Variants in CDC25A observed in about 807,000 individuals in gnomAD.
CDC25A encodes the protein cell division cycle 25A.
In CDC25A, 17 loss-of-function variants were observed where a neutral mutation model predicts 64.6. The ratio of observed to expected loss-of-function variants is 0.26; its 90% CI spans 0.18 to 0.39. CDC25A has a LOEUF of 0.39. Among genes scored for constraint, CDC25A ranks in the 10% least tolerant of loss-of-function variants. CDC25A has a pLI of 1.00. For synonymous variants in CDC25A, 229 were observed against 238.6 expected, an observed-to-expected ratio of 0.96 and a Z score of 0.37; for missense variants, 473 against 654.8, an observed-to-expected ratio of 0.72 and a Z score of 3.03.
chr3:48,181,048 T>C (rs2032649781), intron 5 of CDC25A, among the ~76,000 whole-genome samples: 1 of 152,238 alleles, frequency 6.6e-6, no homozygotes. Flanking sequence ...CTTGTCATAC[T>C]GTATTTCCTA....
intron 8 of CDC25A, 172 bp from the exon 9 acceptor site, chr3:48,174,629 T>G: frequency 1.7e-6 from 1 of 598,796 alleles, no homozygotes; most frequent in Non-Finnish European, 2.9e-6. Context: ...TGGCACATAG[T>G]AGGCACTGAG....
intron 5 of CDC25A, chr3:48,181,867 C>T: frequency 1.9e-6 from 1 of 536,830 alleles, no homozygotes; most frequent in South Asian, 2.4e-5. Flanking sequence ...ACTTTCTGTG[C>T]ATTAACTTTT....
chr3:48,166,299 A>G (rs957625152), intron 10 of CDC25A, among the ~76,000 whole-genome samples: 4 of 152,112 alleles, frequency 2.6e-5, no homozygotes, highest in Admixed American at 2.6e-4. Context: ...CAAACAAACA[A>G]ACAAGCAAAC....
At chr3:48,183,082 G>A in intron 4 of CDC25A, 52 bp from the exon 5 acceptor site, 1 of 1,327,334 alleles carries the variant, frequency 7.5e-7, no homozygotes. Context: ...AAATTTCAGT[G>A]GAAAATTCAG....
At position 48,159,356 on chromosome 3, in the gene CDC25A, A is replaced by G. The variant is rs1445419511; in HGVS notation, c.1422T>C (p.Phe474=). Residue 474 remains phenylalanine (F), a synonymous_variant, in exon 14 of 15, where the codon TTT becomes TTC. Coordinates refer to ENST00000302506, the MANE Select transcript of CDC25A (RefSeq NM_001789.3). ...YVLKGGYKEF[F]MKCQSYCEPP... is the part of the protein sequence containing the mutation. ...ACCCCAGTCTTACCTGGCATTTCAT[A>G]AAGAACTCCTTGTATCCCCCCTTCA... The G allele has an allele frequency of 5.0e-6, 8 of 1,611,912 alleles. No homozygotes were observed. In the South Asian group the frequency reaches 5.5e-5, roughly 11 times the overall value.
At position 48,157,585 on chromosome 3, in the gene CDC25A, G is replaced by A. The variant is rs1316076936; in HGVS notation, c.*1360C>T. 1 of 152,666 alleles carries A rather than the reference G, an allele frequency of 6.6e-6. No homozygotes were observed. The highest frequency in any genetic ancestry group is 2.4e-5 in the African/African-American group (1 of 41,440). 9.5% of individuals were successfully genotyped at this position (152,666 alleles called of 1,614,324 possible). On this transcript the variant is annotated 3_prime_UTR_variant, in exon 15 of 15. Coordinates refer to ENST00000302506, the MANE Select transcript of CDC25A (RefSeq NM_001789.3). ...GCAGGGATGAGTAGGCACTGAAACA[G>A]GTCTCTCTAGAATCAATGAAGTCTG...
In CDC25A at chr3:48,159,043, C is replaced by T; in HGVS notation, c.1477G>A (p.Asp493Asn). Reference sequence around the variant, plus strand: ...AACTTCTTCAGGTCTTCTTTAAAGTCCTCGTGGTGCATGGGCCGGTAGCTA... The same window carrying T: ...AACTTCTTCAGGTCTTCTTTAAAGTTCTCGTGGTGCATGGGCCGGTAGCTA... ...PPSYRPMHHE[D>N]FKEDLKKFRT... The change falls in exon 15 of 15, where the codon GAC (aspartate) becomes AAC (asparagine). Residue 493 changes from aspartate (D) to asparagine (N), a missense_variant. Coordinates refer to ENST00000302506, the MANE Select transcript of CDC25A (RefSeq NM_001789.3). 6.2e-7 allele frequency: 1 copy of T among 1,614,088 alleles called. No individual in the cohort carries two copies. Among genetic ancestry groups the T allele is most frequent in the Non-Finnish European group, 8.5e-7 (1 of 1,180,022 alleles).
intron 5 of CDC25A, among the ~76,000 whole-genome samples, 166 bp from the exon 6 acceptor site, chr3:48,181,006 T>A (rs1027226794): frequency 6.6e-6 from 1 of 152,214 alleles, no homozygotes; most frequent in African/African-American, 2.4e-5. Context: ...CAAGGCTCTG[T>A]CAACAGCTAA....
In CDC25A at chr3:48,158,724, A is replaced by G; in HGVS notation, c.*221T>C. ...AGAACTGCATTGTGGCACAGTTCTG[A>G]TATGGACGGAGGACGTCTAACAGGG... On this transcript the variant is annotated 3_prime_UTR_variant, in exon 15 of 15. Coordinates refer to ENST00000302506, the MANE Select transcript of CDC25A (RefSeq NM_001789.3). The G allele has an allele frequency of 1.1e-5, 6 of 547,988 alleles. 1 individual carries two copies. The highest frequency in any genetic ancestry group is 9.3e-5 in the East Asian group (3 of 32,372). The allele number at this position is 547,988 out of a possible 1,614,324, so 33.9% of individuals were successfully genotyped here. A position where few individuals can be genotyped will look rare whatever the true frequency, so the allele number is the denominator to read the frequency against.
At chr3:48,168,277 A>G (rs1225170249) in intron 9 of CDC25A, among the ~76,000 whole-genome samples, 1 of 150,254 alleles carries the variant, frequency 6.7e-6, no homozygotes, top group Non-Finnish European at 1.5e-5. Context: ...ACTTGAGCCC[A>G]GGAGTTCCAG....
At chr3:48,169,594 G>A (rs1487786915) in intron 9 of CDC25A, among the ~76,000 whole-genome samples, 1 of 152,196 alleles carries the variant, frequency 6.6e-6, no homozygotes, top group Non-Finnish European at 1.5e-5. Flanking sequence ...GAGACCTATT[G>A]ACCAACTACA....
intron 9 of CDC25A, among the ~76,000 whole-genome samples, chr3:48,173,368 T>C (rs1299706269): frequency 6.6e-6 from 1 of 152,148 alleles, no homozygotes; most frequent in Non-Finnish European, 1.5e-5. Context: ...GGGAAATTCA[T>C]AGATTCAAAT....
At position 48,160,388 on chromosome 3, in the gene CDC25A, A is replaced by T. The variant is rs193265944; in HGVS notation, c.1323-933T>A. Among the ~76,000 whole-genome samples the T allele has an allele frequency of 1.2e-3, 178 of 143,606 alleles. 1 individual carries two copies. The highest frequency in any genetic ancestry group is 2.3e-3 in the Non-Finnish European group (154 of 66,662). The allele number at this position is 143,606 out of a possible 152,430, so 94.2% of individuals were successfully genotyped here. A position where few individuals can be genotyped will look rare whatever the true frequency, so the allele number is the denominator to read the frequency against. On this transcript the variant is annotated intron_variant, in intron 13 of 14. Transcript: ENST00000302506. ...CCTCCCAAAGTGTTGGGATTACAGG[A>T]GTTAGCCACCGCACCCAGTCACCTT...
At chr3:48,159,558 A>G in intron 13 of CDC25A, 103 bp from the exon 14 acceptor site, 1 of 725,232 alleles carries the variant, frequency 1.4e-6, no homozygotes, top group Non-Finnish European at 2.4e-6. Context: ...CCTTATACAC[A>G]TCTTCCCAAC....
At position 48,187,918 on chromosome 3, in the gene CDC25A, G is replaced by A. The variant is rs1420351472; in HGVS notation, c.30C>T (p.Arg10=). 2.0e-6 allele frequency: 3 copies of A among 1,534,012 alleles called. No homozygotes were observed. In the Admixed American group the frequency reaches 5.9e-5, roughly 30 times the overall value. The part of the protein sequence containing the change: MELGPEPPH[R]RRLLFACSPP... ...GGCTGCAGGCGAAGAGCAGGCGGCG[G>A]CGGTGCGGGGGCTCCGGGCCCAGTT... The change falls in exon 1 of 15, where the codon CGC becomes CGT. Residue 10 remains arginine, a synonymous_variant. Transcript: ENST00000302506.
chr3:48,159,265 G>T, intron 14 of CDC25A, 79 bp downstream of exon 14: 1 of 1,313,870 alleles, frequency 7.6e-7, no homozygotes, highest in Non-Finnish European at 1.1e-6. Flanking sequence ...TGGAAAGAAA[G>T]TCATGACCAC....
At chr3:48,165,797 C>T (rs781037324) in intron 11 of CDC25A, 34 bp downstream of exon 11, 15 of 1,587,654 alleles carry the variant, frequency 9.4e-6, no homozygotes, top group Admixed American at 5.0e-5. Flanking sequence ...TTCAAGTACC[C>T]GATGTGTGGT....
At chr3:48,174,244 A>T (rs1229188990) in intron 9 of CDC25A, 40 bp downstream of exon 9, 1 of 1,534,708 alleles carries the variant, frequency 6.5e-7, no homozygotes, top group African/African-American at 1.4e-5. Flanking sequence ...TGAAAAATAC[A>T]GTATCTGTGC....
chr3:48,183,790 A>G lies in CDC25A; in HGVS notation c.327+10T>C, dbSNP rs1026341716. ...GGTATTAGCTCAAAATAAACAAGGA[A>G]CTAACTTACAGGTAGGGAATGTATT... is the stretch of plus-strand genomic sequence containing the variant. On this transcript the variant is annotated intron_variant, in intron 4 of 14. Transcript: ENST00000302506. The G allele has an allele frequency of 1.3e-6, 2 of 1,556,768 alleles. No individual in the cohort carries two copies. The highest frequency in any genetic ancestry group is 8.9e-7 in the Non-Finnish European group (1 of 1,128,482).
Sources: gnomAD v4.1 joint callset for allele counts (sites outside exome capture counted in the v4.1 genomes callset) on GRCh38, gnomAD v4.1.1 for gene constraint, MANE v1.5 for transcripts, NCBI Gene and HGNC (gene_info 2026-07-23, HGNC 2026-07-21) for gene names.